The following GPATCH2 variants were observed in gnomAD, a reference collection of about 807,000 sequenced individuals.
The protein encoded by GPATCH2 is G patch domain-containing protein 2.
In GPATCH2, 51 loss-of-function variants were observed where a neutral mutation model predicts 58.0. The observed-to-expected ratio is 0.88, with a 90% CI of 0.70 to 1.11. GPATCH2 has a LOEUF of 1.11. GPATCH2 is among the 50% of genes most tolerant of loss of function. The pLI is 0.00. For synonymous variants in GPATCH2, 222 were observed against 218.5 expected, an observed-to-expected ratio of 1.02 and a Z score of -0.14; for missense variants, 625 against 652.2, an observed-to-expected ratio of 0.96 and a Z score of 0.45.
intron 6 of GPATCH2, among the ~76,000 whole-genome samples, chr1:217,501,810 A>T (rs1354465430): frequency 1.3e-5 from 2 of 151,980 alleles, no homozygotes; most frequent in Non-Finnish European, 2.9e-5. Flanking sequence ...TAACTGTTTT[A>T]TAACTATTAC....
intron 5 of GPATCH2, among the ~76,000 whole-genome samples, chr1:217,561,481 T>C (rs1665922635): frequency 6.6e-6 from 1 of 152,242 alleles, no homozygotes; most frequent in Admixed American, 6.5e-5. Flanking sequence ...TGTGTGTGTG[T>C]ATTTAATGCA....
intron 5 of GPATCH2, among the ~76,000 whole-genome samples, chr1:217,533,432 T>C (rs1275329065): frequency 6.6e-6 from 1 of 152,058 alleles, no homozygotes; most frequent in Non-Finnish European, 1.5e-5. Flanking sequence ...ACAAATAATA[T>C]CTTAGCGTTA....
chr1:217,589,080 G>A (rs909193498), intron 5 of GPATCH2, among the ~76,000 whole-genome samples: 5 of 152,088 alleles, frequency 3.3e-5, no homozygotes, highest in Non-Finnish European at 4.4e-5. Flanking sequence ...AGGTGGGGCC[G>A]ATCATTTCAA....
At chr1:217,611,868 G>A (rs552246087) in intron 3 of GPATCH2, among the ~76,000 whole-genome samples, 3 of 152,094 alleles carry the variant, frequency 2.0e-5, no homozygotes, top group East Asian at 1.9e-4. Flanking sequence ...AAACACAGAA[G>A]ACAGATGGCT....
chr1:217,523,507 C>T (rs939005512), intron 5 of GPATCH2, among the ~76,000 whole-genome samples: 5 of 151,470 alleles, frequency 3.3e-5, no homozygotes, highest in Non-Finnish European at 7.4e-5. Flanking sequence ...CACAGATCAA[C>T]AGGATCCCAA....
At chr1:217,487,174 A>G (rs988623851) in intron 8 of GPATCH2, among the ~76,000 whole-genome samples, 22 of 152,178 alleles carry the variant, frequency 1.4e-4, no homozygotes, top group African/African-American at 4.1e-4. Context: ...GATAGCACCT[A>G]TAATACCAAG....
At chr1:217,526,227 C>A (rs1460900462) in intron 5 of GPATCH2, among the ~76,000 whole-genome samples, 1 of 152,130 alleles carries the variant, frequency 6.6e-6, no homozygotes, top group Non-Finnish European at 1.5e-5. Context: ...CACTTTTAAA[C>A]TGACAACTTA....
chr1:217,564,527 C>A (rs1169686212), intron 5 of GPATCH2, among the ~76,000 whole-genome samples: 1 of 152,206 alleles, frequency 6.6e-6, no homozygotes, highest in African/African-American at 2.4e-5. Context: ...CCACACATTA[C>A]ATCACCGAGT....
intron 5 of GPATCH2, among the ~76,000 whole-genome samples, chr1:217,563,771 G>A (rs57224276): frequency 0.021 from 3,192 of 152,214 alleles, 123 homozygotes; most frequent in African/African-American, 0.073. Flanking sequence ...TAGGCCGGGC[G>A]CAGTGGCTCA....
chr1:217,622,910 G>A (rs767387952), intron 1 of GPATCH2, among the ~76,000 whole-genome samples: 10 of 152,214 alleles, frequency 6.6e-5, no homozygotes, highest in Admixed American at 1.3e-4. Flanking sequence ...ATTAGCATTC[G>A]GCCAAACAAA....
chr1:217,563,479 T>C (rs1013466586), intron 5 of GPATCH2, among the ~76,000 whole-genome samples: 47 of 152,274 alleles, frequency 3.1e-4, no homozygotes, highest in African/African-American at 1.1e-3. Flanking sequence ...TAGAGGTTAA[T>C]GAGTTCAGTC....
chr1:217,455,061 C>G (rs1287072959), intron 8 of GPATCH2, among the ~76,000 whole-genome samples: 1 of 152,204 alleles, frequency 6.6e-6, no homozygotes, highest in Non-Finnish European at 1.5e-5. Context: ...CTGGTCTTCT[C>G]TCTTGATGGC....
At chr1:217,526,159 G>A (rs114951229) in intron 5 of GPATCH2, among the ~76,000 whole-genome samples, 1,884 of 152,226 alleles carry the variant, frequency 0.012, 39 homozygotes, top group African/African-American at 0.042. Flanking sequence ...TTAAAAGAGC[G>A]TTTCTAAGAA....
At chr1:217,466,111 G>C (rs549082801) in intron 8 of GPATCH2, among the ~76,000 whole-genome samples, 3 of 152,102 alleles carry the variant, frequency 2.0e-5, no homozygotes, top group Non-Finnish European at 2.9e-5. Context: ...TAACAAGCAA[G>C]AACTCAGGAA....
chr1:217,545,056 C>T (rs1664964889), intron 5 of GPATCH2, among the ~76,000 whole-genome samples: 1 of 152,194 alleles, frequency 6.6e-6, no homozygotes. Flanking sequence ...AATTGGCAGA[C>T]AGGTTTTAGG....
intron 8 of GPATCH2, among the ~76,000 whole-genome samples, chr1:217,486,152 C>A (rs535268306): frequency 3.3e-4 from 50 of 152,194 alleles, no homozygotes; most frequent in African/African-American, 1.1e-3. Context: ...GTCTTCTGAC[C>A]CATGAACAAG....
intron 5 of GPATCH2, among the ~76,000 whole-genome samples, chr1:217,604,521 G>A (rs566262136): frequency 6.6e-6 from 1 of 152,000 alleles, no homozygotes; most frequent in African/African-American, 2.4e-5. Flanking sequence ...AATGTCTTAT[G>A]GATACAAACA....
At chr1:217,440,352 A>C (rs909629181) in intron 9 of GPATCH2, among the ~76,000 whole-genome samples, 1 of 152,142 alleles carries the variant, frequency 6.6e-6, no homozygotes, top group African/African-American at 2.4e-5. Flanking sequence ...GGTATTGATG[A>C]AATGTATCTT....
chr1:217,446,492 T>C (rs903624671), intron 9 of GPATCH2, among the ~76,000 whole-genome samples: 4 of 152,146 alleles, frequency 2.6e-5, no homozygotes, highest in East Asian at 1.9e-4. Context: ...AGTTGATTCA[T>C]TGGTATTAAA....
Sources: allele counts gnomAD v4.1 joint callset (sites outside exome capture counted in the v4.1 genomes callset), GRCh38; gene constraint gnomAD v4.1.1; transcripts MANE v1.5; gene names NCBI Gene and HGNC (gene_info 2026-07-23, HGNC 2026-07-21).